UCP1: variants seen among roughly 807,000 people sequenced by gnomAD.
The protein encoded by UCP1 is mitochondrial brown fat uncoupling protein 1.
UCP1 carries 24 observed loss-of-function variants against 26.2 expected under a neutral mutation model. The observed-to-expected ratio is 0.92, with a 90% CI of 0.66 to 1.29. The LOEUF is 1.29. Among genes scored for constraint, UCP1 ranks in the 50% most tolerant of loss-of-function variants. The probability of loss-of-function intolerance (pLI) is 0.00; values close to 1 mark genes in which losing one functional copy is unlikely to be tolerated. For synonymous variants in UCP1, 164 were observed against 156.8 expected, an observed-to-expected ratio of 1.05 and a Z score of -0.34; for missense variants, 402 against 388.7, an observed-to-expected ratio of 1.03 and a Z score of -0.29.
Position 140,559,939 on chromosome 4 carries a change from C to T in UCP1, c.881G>A (p.Arg294Gln), listed in dbSNP as rs1021734827. The change falls in exon 6 of 6, where the codon CGA (arginine) becomes CAA (glutamine). Residue 294 changes from arginine (R) to glutamine (Q), a missense_variant. Arg to Gln is a conservative substitution (Grantham distance 43, BLOSUM62 1). Transcript: ENST00000262999. The part of the protein sequence containing the change: ...IMFVCFEQLK[R>Q]ELSKSRQTMD... The stretch of plus-strand genomic sequence containing the variant: ...AGTCTGCCTTGACTTTGACAGTTCT[C>T]GTTTCAGTTGTTCAAAGCACACAAA... 8 of 1,614,048 alleles carry T rather than the reference C, an allele frequency of 5.0e-6. No individual in the cohort carries two copies. The highest frequency in any genetic ancestry group is 3.3e-5 in the South Asian group (3 of 91,080).
intron 5 of UCP1, among the ~76,000 whole-genome samples, chr4:140,560,779 G>C (rs1186591164): frequency 1.3e-5 from 2 of 150,140 alleles, no homozygotes; most frequent in Admixed American, 1.3e-4. Flanking sequence ...TTACATTTCA[G>C]TAGCATTAAG....
chr4:140,561,001 TA>T (rs1181205191), intron 5 of UCP1, among the ~76,000 whole-genome samples: 1 of 152,242 alleles, frequency 6.6e-6, no homozygotes, highest in East Asian at 1.9e-4. Context: ...GTGTCTGGCT[TA>T]TTTCACTTAG....
At position 140,567,861 on chromosome 4, in the gene UCP1, C is replaced by A; in HGVS notation, c.243G>T (p.Gly81=). Residue 81 remains glycine, a synonymous_variant, in exon 2 of 6, where the codon GGG becomes GGT. Coordinates refer to ENST00000262999, the MANE Select transcript of UCP1 (RefSeq NM_021833.5). ...AGGCGGAGCTGATTTGCCGCTGAAGCCCCGCAGGCAGCCCGCTGTAGAGTT... is the reference window on the plus strand; with the variant it reads ...AGGCGGAGCTGATTTGCCGCTGAAGACCCGCAGGCAGCCCGCTGTAGAGTT... ...RMKLYSGLPA[G]LQRQISSASL... 1.2e-6 allele frequency: 2 copies of A among 1,614,116 alleles called. No individual in the cohort carries two copies. The highest frequency in any genetic ancestry group is 1.7e-6 in the Non-Finnish European group (2 of 1,180,014).
chr4:140,563,425 C>A lies in UCP1; in HGVS notation c.419G>T (p.Arg140Ile). 3 of 1,614,114 alleles carry A rather than the reference C, an allele frequency of 1.9e-6. No individual in the cohort carries two copies. The highest frequency in any genetic ancestry group is 2.5e-6 in the Non-Finnish European group (3 of 1,180,028). ...GTGGAGATGGCTCTGTGCTTGAAGTCTGACTTTCACGACCTCTGTGGGTTG... is the reference window on the plus strand; with the variant it reads ...GTGGAGATGGCTCTGTGCTTGAAGTATGACTTTCACGACCTCTGTGGGTTG... The part of the protein sequence containing the change: ...IGQPTEVVKV[R>I]LQAQSHLHGI... The change falls in exon 3 of 6, where the codon AGA becomes ATA. Residue 140 changes from arginine to isoleucine, a missense_variant. Coordinates refer to ENST00000262999, the MANE Select transcript of UCP1 (RefSeq NM_021833.5).
intron 1 of UCP1, 131 bp from the exon 2 acceptor site, chr4:140,568,108 C>T: frequency 1.6e-6 from 1 of 637,652 alleles, no homozygotes; most frequent in Non-Finnish European, 2.7e-6. Flanking sequence ...CTCCCTCTAC[C>T]GTGTGTGTGT....
intron 2 of UCP1, among the ~76,000 whole-genome samples, chr4:140,566,975 T>G (rs1367641049): frequency 6.6e-6 from 1 of 152,196 alleles, no homozygotes. Flanking sequence ...CTGTGTGACC[T>G]TGGGCAAGTG....
chr4:140,563,061 T>TG (rs777925871), intron 4 of UCP1, 49 bp downstream of exon 4: 55 of 1,436,740 alleles, frequency 3.8e-5, no homozygotes, highest in Non-Finnish European at 5.1e-5. Flanking sequence ...AGCTCCAAGA[T>TG]GAACTTCTAA....
At chr4:140,560,129 T>C in intron 5 of UCP1, 119 bp from the exon 6 acceptor site, 1 of 820,382 alleles carries the variant, frequency 1.2e-6, no homozygotes, top group Non-Finnish European at 2.0e-6. Flanking sequence ...CATAGCTCAC[T>C]GCAACCTCGA....
chr4:140,563,287 T>A lies in UCP1; in HGVS notation c.526+31A>T, dbSNP rs759194010. On this transcript the variant is annotated intron_variant, in intron 3 of 5. Transcript: ENST00000262999. ...TGCTAGTTGTATGTATGTGCTTTGG[T>A]GGTTATAAAACCCATTTTGAAGTTA... 4 of 1,613,836 alleles carry A rather than the reference T, an allele frequency of 2.5e-6. 1 individual carries two copies. Among genetic ancestry groups the A allele is most frequent in the Middle Eastern group, 1.7e-4 (1 of 6,060 alleles).
chr4:140,568,625 G>C lies in UCP1; in HGVS notation c.105C>G (p.Asp35Glu), dbSNP rs1735858450. Reference protein sequence around the residue: ...CLADVITFPLDTAKVRLQVQG... With the variant: ...CLADVITFPLETAKVRLQVQG... ...CTACCTGGAGCCGGACTTTGGCCGT[G>C]TCCAGCGGGAAGGTGATCACGTCCG... The change falls in exon 1 of 6, where the codon GAC (aspartate) becomes GAG (glutamate). Residue 35 changes from aspartate (D) to glutamate (E), a missense_variant. By Grantham distance (45) the Asp-to-Glu change is conservative. Transcript: ENST00000262999. 3 of 1,613,520 alleles carry C rather than the reference G, an allele frequency of 1.9e-6. No individual in the cohort carries two copies. The South Asian group carries it at 3.3e-5, about 18-fold the overall frequency.
chr4:140,563,152 C>T lies in UCP1; in HGVS notation c.586G>A (p.Asp196Asn), dbSNP rs748672923. Residue 196 changes from aspartate (D) to asparagine (N), a missense_variant, in exon 4 of 6, where the codon GAT becomes AAT. Coordinates refer to ENST00000262999, the MANE Select transcript of UCP1 (RefSeq NM_021833.5). Reference protein sequence around the residue: ...IINCTELVTYDLMKEAFVKNN... With the variant: ...IINCTELVTYNLMKEAFVKNN... ...TTCACAAAGGCCTCCTTCATTAGAT[C>T]ATATGTTACTAGCTCTGTACAATTG... is the stretch of plus-strand genomic sequence containing the variant. The T allele has an allele frequency of 6.2e-6, 10 of 1,613,602 alleles. No individual in the cohort carries two copies. The Admixed American group carries it at 1.7e-4, about 27-fold the overall frequency.
At position 140,567,847 on chromosome 4, in the gene UCP1, A is replaced by G. The variant is rs372704070; in HGVS notation, c.257T>C (p.Ile86Thr). The G allele has an allele frequency of 6.2e-7, 1 of 1,614,054 alleles. No homozygotes were observed. Among genetic ancestry groups the G allele is most frequent in the Non-Finnish European group, 8.5e-7 (1 of 1,180,006 alleles). ...GCCGATCCTGAGAGAGGCGGAGCTG[A>G]TTTGCCGCTGAAGCCCCGCAGGCAG... is the stretch of plus-strand genomic sequence containing the variant. ...SGLPAGLQRQ[I>T]SSASLRIGLY... The change falls in exon 2 of 6, where the codon ATC becomes ACC. Residue 86 changes from isoleucine (I) to threonine (T), a missense_variant. By Grantham distance (89) the Ile-to-Thr change is moderately conservative (BLOSUM62 -1). Transcript: ENST00000262999.
intron 2 of UCP1, among the ~76,000 whole-genome samples, chr4:140,566,967 G>T (rs1434506972): frequency 6.6e-6 from 1 of 152,192 alleles, no homozygotes; most frequent in East Asian, 1.9e-4. Context: ...CCTCCCAGCT[G>T]TGTGACCTTG....
intron 2 of UCP1, among the ~76,000 whole-genome samples, chr4:140,564,714 A>C (rs1735758898): frequency 1.3e-5 from 2 of 152,296 alleles, no homozygotes; most frequent in Non-Finnish European, 2.9e-5. Flanking sequence ...ATATCATATG[A>C]TTACAAATGC....
rs966256802 is a variant in UCP1, at chr4:140,559,601, A to G, written c.*295T>C. On this transcript the variant is annotated 3_prime_UTR_variant, in exon 6 of 6. Coordinates refer to ENST00000262999, the MANE Select transcript of UCP1 (RefSeq NM_021833.5). ...TAATTAAAACATGTTAAAGTTCTTC[A>G]CATTCATTCACACAATTGCACTCCA... is the stretch of plus-strand genomic sequence containing the variant. 3.4e-6 allele frequency: 1 copy of G among 295,512 alleles called. No homozygotes were observed. Among genetic ancestry groups the G allele is most frequent in the African/African-American group, 2.2e-5 (1 of 45,522 alleles). The allele number at this position is 295,512 out of a possible 1,614,324, so 18.3% of individuals were successfully genotyped here.
intron 5 of UCP1, among the ~76,000 whole-genome samples, chr4:140,560,920 C>G (rs1735664473): frequency 6.6e-6 from 1 of 152,090 alleles, no homozygotes; most frequent in Admixed American, 6.5e-5. Context: ...AACTTCTATT[C>G]TTTCTGTCTC....
rs1243354646 is a variant in UCP1, at chr4:140,562,293, T to A, written c.709A>T (p.Lys237Ter). 43 of 1,614,010 alleles carry A rather than the reference T, an allele frequency of 2.7e-5. No homozygotes were observed. Among genetic ancestry groups the A allele is most frequent in the Non-Finnish European group, 3.6e-5 (42 of 1,180,020 alleles). ...GGTGGAGAATTAATAAATCTGGTTT[T>A]TACTACATCCACCGGGGAGGACATA... is the stretch of plus-strand genomic sequence containing the variant. ...TAMSSPVDVV[K>*]TRFINSPPGQ... Residue 237 changes from lysine to a stop codon, truncating the protein, a stop_gained, in exon 5 of 6, where the codon AAA (lysine) becomes TAA (stop). Transcript: ENST00000262999. LOFTEE classifies it high-confidence loss of function.
At chr4:140,561,833 T>TAAATC (rs985112900) in intron 5 of UCP1, among the ~76,000 whole-genome samples, 1 of 152,188 alleles carries the variant, frequency 6.6e-6, no homozygotes, top group African/African-American at 2.4e-5. Context: ...TCCATCAAAT[T>TAAATC]AAATCAAATC....
At chr4:140,561,714 C>A (rs1295959788) in intron 5 of UCP1, among the ~76,000 whole-genome samples, 5 of 152,170 alleles carry the variant, frequency 3.3e-5, no homozygotes, top group Admixed American at 2.0e-4. Context: ...TTACACAACA[C>A]TTGTTTCTAG....
Sources: gnomAD v4.1 joint callset for allele counts (sites outside exome capture counted in the v4.1 genomes callset) on GRCh38, gnomAD v4.1.1 for gene constraint, MANE v1.5 for transcripts, NCBI Gene and HGNC (gene_info 2026-07-23, HGNC 2026-07-21) for gene names.